The following PIK3C2G variants were observed in gnomAD, a reference collection of about 807,000 sequenced individuals.
PIK3C2G encodes phosphatidylinositol-4-phosphate 3-kinase catalytic subunit type 2 gamma.
Under a neutral mutation model 181.1 loss-of-function variants are expected in PIK3C2G, and 168 were observed. The observed-to-expected ratio is 0.93, with a 90% CI of 0.82 to 1.05. The LOEUF is 1.05. Among genes scored for constraint, PIK3C2G ranks in the 50% least tolerant of loss-of-function variants. The pLI, the probability that PIK3C2G is intolerant of heterozygous loss-of-function variation, is 0.00. For synonymous variants in PIK3C2G, 573 were observed against 592.2 expected (o/e 0.97, Z 0.47); for missense variants, 1,869 against 1,732.8 (o/e 1.08, Z -1.40).
intron 32 of PIK3C2G, among the ~76,000 whole-genome samples, chr12:18,645,475 A>G (rs1950077084): frequency 6.6e-6 from 1 of 152,164 alleles, no homozygotes; most frequent in Non-Finnish European, 1.5e-5. Flanking sequence ...AAATGTTTGT[A>G]TTTTAACCAG....
rs77618701 is a variant in PIK3C2G at position 18,263,866 on chromosome 12, A to G, written c.-79+2289A>G. 1.9e-3 allele frequency among the ~76,000 whole-genome samples: 291 copies of G among 152,308 alleles called. 2 individuals are homozygous for G. The highest frequency in any genetic ancestry group is 3.3e-3 in the Admixed American group (50 of 15,300). On this transcript the variant is annotated intron_variant, in intron 1 of 32. Transcript: ENST00000538779. ...ACAATCTATAGATTTTATATGACATAACCAGACAATTCACATTTATGTGTT... is the reference window on the plus strand; with the variant it reads ...ACAATCTATAGATTTTATATGACATGACCAGACAATTCACATTTATGTGTT...
chr12:18,269,997 C>T lies in PIK3C2G; in HGVS notation c.-79+8420C>T, dbSNP rs7295648. ...AGATCTTAGCTCACTGCAACCTCCACCTCCTGGGTTCAAGCAATTCTCCTG... is the reference window on the plus strand; with the variant it reads ...AGATCTTAGCTCACTGCAACCTCCATCTCCTGGGTTCAAGCAATTCTCCTG... On this transcript the variant is annotated intron_variant, in intron 1 of 32. Transcript: ENST00000538779. Among the ~76,000 whole-genome samples the T allele has an allele frequency of 2.9e-3, 431 of 151,160 alleles. 2 individuals are homozygous for T. The highest frequency in any genetic ancestry group is 1.0e-2 in the African/African-American group (410 of 41,182).
chr12:18,334,770 A>G (rs996929894), intron 8 of PIK3C2G, among the ~76,000 whole-genome samples: 22 of 152,018 alleles, frequency 1.4e-4, no homozygotes, highest in Admixed American at 7.9e-4. Context: ...TCTGCAGGGG[A>G]TCTCACCTTG....
intron 18 of PIK3C2G, among the ~76,000 whole-genome samples, chr12:18,479,491 A>G (rs1199673867): frequency 6.6e-6 from 1 of 152,172 alleles, no homozygotes; most frequent in African/African-American, 2.4e-5. Flanking sequence ...CTCATCTGTG[A>G]GAAGGAAGAA....
chr12:18,334,023 G>A (rs932453976), intron 8 of PIK3C2G, among the ~76,000 whole-genome samples: 7 of 152,094 alleles, frequency 4.6e-5, no homozygotes, highest in African/African-American at 1.7e-4. Flanking sequence ...TAATTCTAAA[G>A]TATTAGCATA....
Position 18,513,435 on chromosome 12 carries a change from T to G in PIK3C2G, c.3323+7974T>G, listed in dbSNP as rs547828280. On this transcript the variant is annotated intron_variant, in intron 24 of 32. Coordinates refer to ENST00000538779, the MANE Select transcript of PIK3C2G (RefSeq NM_001288772.2). ...AAGCTGTCCAGTTGTGGGCTTTTCT[T>G]TGATGAGAGACTTTTTATTACTGAT... Among the ~76,000 whole-genome samples the G allele has an allele frequency of 4.1e-4, 63 of 151,838 alleles. 2 individuals are homozygous for G. The South Asian group carries it at 0.013, about 31-fold the overall frequency.
chr12:18,456,993 A>G (rs1947663005), intron 18 of PIK3C2G, among the ~76,000 whole-genome samples: 1 of 152,126 alleles, frequency 6.6e-6, no homozygotes, highest in Non-Finnish European at 1.5e-5. Context: ...GAGGGACAAA[A>G]CCAATGATCT....
the PIK3C2G span, chr12:18,693,087 G>A: frequency 8.5e-5 from 129 of 1,512,764 alleles, 1 homozygote; most frequent in East Asian, 2.9e-3. Flanking sequence ...TGATCTGAGG[G>A]GGACCCCAAT....
chr12:18,702,009 A>C, the PIK3C2G span, among the ~76,000 whole-genome samples: 1 of 152,106 alleles, frequency 6.6e-6, no homozygotes, highest in Non-Finnish European at 1.5e-5. Flanking sequence ...GAGACTTACC[A>C]TATGCCATTT....
At chr12:18,717,173 T>G in the PIK3C2G span, among the ~76,000 whole-genome samples, 1 of 152,158 alleles carries the variant, frequency 6.6e-6, no homozygotes, top group Non-Finnish European at 1.5e-5. Context: ...CTTTTTCTTG[T>G]AATGTAAAAG....
upstream of PIK3C2G, among the ~76,000 whole-genome samples, chr12:18,246,440 G>A (rs1345574431): frequency 6.6e-6 from 1 of 152,010 alleles, no homozygotes; most frequent in Non-Finnish European, 1.5e-5. Context: ...TATAATATTG[G>A]TGGTGTTTTA....
chr12:18,287,832 G>C (rs1289509040), intron 3 of PIK3C2G, among the ~76,000 whole-genome samples: 3 of 149,550 alleles, frequency 2.0e-5, no homozygotes, highest in Non-Finnish European at 3.0e-5. Flanking sequence ...TTGCACTCCA[G>C]CCTGGGCGAC....
chr12:18,689,921 G>C, the PIK3C2G span, among the ~76,000 whole-genome samples: 1 of 152,166 alleles, frequency 6.6e-6, no homozygotes, highest in South Asian at 2.1e-4. Flanking sequence ...TAGAGTGATA[G>C]AGGCAACAGA....
intron 11 of PIK3C2G, among the ~76,000 whole-genome samples, chr12:18,348,037 A>C (rs1939846518): frequency 6.6e-6 from 1 of 151,990 alleles, no homozygotes; most frequent in Non-Finnish European, 1.5e-5. Flanking sequence ...ATAGTAAAAT[A>C]AATTATTACT....
chr12:18,329,490 A>G (rs1305002779), intron 8 of PIK3C2G, among the ~76,000 whole-genome samples: 1 of 151,808 alleles, frequency 6.6e-6, no homozygotes, highest in Non-Finnish European at 1.5e-5. Flanking sequence ...TAAGGTGTTG[A>G]TTTTCTTTCT....
At chr12:18,671,481 A>T in the PIK3C2G span, among the ~76,000 whole-genome samples, 3 of 152,122 alleles carry the variant, frequency 2.0e-5, no homozygotes, top group Non-Finnish European at 2.9e-5. Context: ...AGAAGATCAC[A>T]CATGAGATCA....
chr12:18,254,314 A>G (rs1338193582), intron 1 of PIK3C2G, among the ~76,000 whole-genome samples: 1 of 152,034 alleles, frequency 6.6e-6, no homozygotes, highest in African/African-American at 2.4e-5. Flanking sequence ...TCCATCTATG[A>G]CCACTGTTTC....
chr12:18,508,535 G>A (rs1431297944), intron 24 of PIK3C2G, among the ~76,000 whole-genome samples: 2 of 152,170 alleles, frequency 1.3e-5, no homozygotes, highest in African/African-American at 4.8e-5. Flanking sequence ...ATAAATGAAA[G>A]TGCTTATTTG....
chr12:18,709,146 T>A, the PIK3C2G span, among the ~76,000 whole-genome samples: 7 of 152,172 alleles, frequency 4.6e-5, no homozygotes, highest in Non-Finnish European at 8.8e-5. Flanking sequence ...TCATAGTTTC[T>A]AATATTATAT....
Sources: gnomAD v4.1 joint callset for allele counts (sites outside exome capture counted in the v4.1 genomes callset) on GRCh38, gnomAD v4.1.1 for gene constraint, MANE v1.5 for transcripts, NCBI Gene and HGNC (gene_info 2026-07-23, HGNC 2026-07-21) for gene names.